Variants in NRXN3 observed in about 807,000 individuals in gnomAD.
NRXN3 encodes the protein neurexin 3, also known as neurexin III.
NRXN3 carries 32 observed loss-of-function variants against 137.6 expected under a neutral mutation model. The observed-to-expected ratio is 0.23, with a 90% CI of 0.18 to 0.31. The LOEUF is 0.31. Ranked by LOEUF, NRXN3 falls within the 10% of genes least tolerant of loss-of-function variation. The pLI, the probability that NRXN3 is intolerant of heterozygous loss-of-function variation, is 1.00. For missense variants in NRXN3, 1,574 were observed against 2,062.5 expected (o/e 0.76, Z 4.59); for synonymous variants, 798 against 784.5 (o/e 1.02, Z -0.29).
At chr14:78,949,945 T>G (rs1473596099) in intron 10 of NRXN3, among the ~76,000 whole-genome samples, 1 of 152,212 alleles carries the variant, frequency 6.6e-6, no homozygotes, top group East Asian at 1.9e-4. Flanking sequence ...GCAGCAGGTC[T>G]TATGGCATAT....
At chr14:78,967,472 C>A in intron 13 of NRXN3, 74 bp downstream of exon 13, 1 of 1,094,370 alleles carries the variant, frequency 9.1e-7, no homozygotes, top group Non-Finnish European at 1.3e-6. Context: ...AGAGGCAAAC[C>A]ACAGGTTCAG....
At chr14:79,660,006 T>C (rs1470417928) in intron 16 of NRXN3, among the ~76,000 whole-genome samples, 2 of 152,194 alleles carry the variant, frequency 1.3e-5, no homozygotes, top group Admixed American at 6.6e-5. Context: ...AACAGCCCTA[T>C]GAAGTACGAA....
chr14:78,471,558 A>C (rs544064905), intron 4 of NRXN3, among the ~76,000 whole-genome samples: 1 of 152,242 alleles, frequency 6.6e-6, no homozygotes, highest in South Asian at 2.1e-4. Context: ...TTTTTGCTTT[A>C]GGGCATGGTT....
chr14:78,972,164 T>C lies in NRXN3; in HGVS notation c.3142+3818T>C, dbSNP rs534403971. Among the ~76,000 whole-genome samples, 64 of 152,284 alleles carry C rather than the reference T, an allele frequency of 4.2e-4. 1 individual carries two copies. The South Asian group carries it at 0.011, about 27-fold the overall frequency. ...TGGCTGGTAAATGTATCTTCCTATA[T>C]TGAGGCCAGCTTTGCTGCAGAGGCC... On this transcript the variant is annotated intron_variant, in intron 14 of 20. Coordinates refer to ENST00000335750, the MANE Select transcript of NRXN3 (RefSeq NM_001330195.2).
At chr14:78,522,555 CT>C (rs1427347338) in intron 4 of NRXN3, among the ~76,000 whole-genome samples, 1 of 152,146 alleles carries the variant, frequency 6.6e-6, no homozygotes, top group Non-Finnish European at 1.5e-5. Flanking sequence ...TAGCCAACAT[CT>C]TTTTTTCCTT....
chr14:79,353,357 G>C (rs141238351), intron 15 of NRXN3, among the ~76,000 whole-genome samples: 21 of 152,108 alleles, frequency 1.4e-4, no homozygotes, highest in African/African-American at 5.1e-4. Context: ...CATATAATGA[G>C]TATGTATTAA....
intron 4 of NRXN3, among the ~76,000 whole-genome samples, chr14:78,400,491 T>G (rs150174593): frequency 3.9e-4 from 60 of 152,308 alleles, no homozygotes; most frequent in African/African-American, 1.3e-3. Context: ...TTTAGTTTGA[T>G]TCATCGGATT....
In NRXN3 at chr14:79,866,483, T is replaced by C. The variant is rs1174777086; in HGVS notation, c.*4519T>C. Reference sequence around the variant, plus strand: ...CTGATAGGCAGAAATAAGGGCTGTATATCATTCTAAGCAAACCCTTAAAGT... The same window carrying C: ...CTGATAGGCAGAAATAAGGGCTGTACATCATTCTAAGCAAACCCTTAAAGT... On this transcript the variant is annotated 3_prime_UTR_variant, in exon 21 of 21. Coordinates refer to ENST00000335750, the MANE Select transcript of NRXN3 (RefSeq NM_001330195.2). 6.6e-6 allele frequency: 1 copy of C among 152,192 alleles called. No homozygotes were observed. The highest frequency in any genetic ancestry group is 1.5e-5 in the Non-Finnish European group (1 of 68,034). 9.4% of individuals were successfully genotyped at this position (152,192 alleles called of 1,614,324 possible).
At chr14:78,208,526 G>A (rs1456917241) in intron 1 of NRXN3, among the ~76,000 whole-genome samples, 2 of 152,102 alleles carry the variant, frequency 1.3e-5, no homozygotes, top group Non-Finnish European at 2.9e-5. Context: ...TCCTCTCTGA[G>A]GCCATCCCTA....
rs34025659 is a variant in NRXN3 at position 79,560,504 on chromosome 14, C to CTTTTTTTTTTTTTTT, written c.3444+93112_3444+93126dup. Reference sequence around the variant, plus strand: ...AATTCTACAAGGACAAGATTGTAAGCTTTTTTTTTTTTTTTTTTTTTTTTG... The same window carrying CTTTTTTTTTTTTTTT: ...AATTCTACAAGGACAAGATTGTAAGCTTTTTTTTTTTTTTTTTTTTTTTTTTTTTTTTTTTTTTTG... On this transcript the variant is annotated intron_variant, in intron 16 of 20. Coordinates refer to ENST00000335750, the MANE Select transcript of NRXN3 (RefSeq NM_001330195.2). 6.4e-3 allele frequency among the ~76,000 whole-genome samples: 279 copies of CTTTTTTTTTTTTTTT among 43,770 alleles called. 71 individuals carry two copies. Among genetic ancestry groups the CTTTTTTTTTTTTTTT allele is most frequent in the Middle Eastern group, 0.045 (2 of 44 alleles). The allele number at this position is 43,770 out of a possible 152,430, so 28.7% of individuals were successfully genotyped here.
At chr14:78,688,898 G>C (rs1457090387) in intron 6 of NRXN3, among the ~76,000 whole-genome samples, 1 of 151,838 alleles carries the variant, frequency 6.6e-6, no homozygotes, top group Non-Finnish European at 1.5e-5. Context: ...GGAGAAAAAA[G>C]CAGATTATGT....
chr14:78,241,276 T>A (rs2067047252), intron 1 of NRXN3, among the ~76,000 whole-genome samples: 1 of 152,114 alleles, frequency 6.6e-6, no homozygotes, highest in Admixed American at 6.6e-5. Context: ...CCTCCTCCTG[T>A]CCCTTCCCAC....
chr14:79,145,975 T>G (rs993942709), intron 15 of NRXN3, among the ~76,000 whole-genome samples: 1 of 152,210 alleles, frequency 6.6e-6, no homozygotes, highest in African/African-American at 2.4e-5. Context: ...CTGATTCAAG[T>G]TCACACAGCT....
At chr14:79,320,885 G>T (rs2089889925) in intron 15 of NRXN3, among the ~76,000 whole-genome samples, 1 of 150,704 alleles carries the variant, frequency 6.6e-6, no homozygotes, top group African/African-American at 2.4e-5. Flanking sequence ...TAGTTTCCCA[G>T]TGCCAAGAAT....
chr14:78,355,287 G>A (rs1203100026), intron 4 of NRXN3, among the ~76,000 whole-genome samples: 1 of 151,490 alleles, frequency 6.6e-6, no homozygotes, highest in African/African-American at 2.4e-5. Context: ...AGGGAGCACA[G>A]TGAGAGATGG....
At chr14:78,406,997 A>G (rs1274353907) in intron 4 of NRXN3, among the ~76,000 whole-genome samples, 1 of 152,136 alleles carries the variant, frequency 6.6e-6, no homozygotes. Flanking sequence ...GCTCAGTGAT[A>G]AAGCAGGGTA....
At chr14:79,103,297 A>G (rs370533257) in intron 15 of NRXN3, among the ~76,000 whole-genome samples, 4 of 152,162 alleles carry the variant, frequency 2.6e-5, no homozygotes, top group African/African-American at 7.2e-5. Flanking sequence ...AGGAGGGGCC[A>G]TATGTACTTA....
At chr14:79,717,789 A>G (rs1255975610) in intron 19 of NRXN3, among the ~76,000 whole-genome samples, 1 of 152,086 alleles carries the variant, frequency 6.6e-6, no homozygotes, top group Non-Finnish European at 1.5e-5. Flanking sequence ...TCTTATCTCA[A>G]ATGTCTCTTA....
intron 15 of NRXN3, among the ~76,000 whole-genome samples, chr14:79,031,361 A>G (rs1007129892): frequency 2.0e-5 from 3 of 152,210 alleles, no homozygotes; most frequent in African/African-American, 7.2e-5. Context: ...AATAGGTAAC[A>G]CATTATTAGA....
Sources: allele counts gnomAD v4.1 joint callset (sites outside exome capture counted in the v4.1 genomes callset), GRCh38; gene constraint gnomAD v4.1.1; transcripts MANE v1.5; gene names NCBI Gene and HGNC (gene_info 2026-07-23, HGNC 2026-07-21).